Variants in RUFY1 observed in about 807,000 individuals in gnomAD.
RUFY1 encodes RUN and FYVE domain containing 1, also known as RUN and FYVE domain-containing protein 1.
RUFY1 carries 54 observed loss-of-function variants against 94.6 expected under a neutral mutation model. The observed-to-expected ratio is 0.57, with a 90% confidence interval of 0.46 to 0.72. RUFY1 has a LOEUF of 0.72. Ranked by LOEUF, RUFY1 falls within the 30% of genes least tolerant of loss-of-function variation. RUFY1 has a pLI of 0.00. For synonymous variants in RUFY1, 396 were observed against 347.3 expected (o/e 1.14, Z -1.56); for missense variants, 883 against 883.9 (o/e 1.00, Z 0.01).
At chr5:179,577,171 T>C in intron 6 of RUFY1, 35 bp downstream of exon 6, 2 of 1,288,034 alleles carry the variant, frequency 1.6e-6, no homozygotes, top group Non-Finnish European at 2.1e-6. Flanking sequence ...TTTTTTTTTT[T>C]TTTTTTTTTT....
chr5:179,551,066 C>G (rs1378235648), intron 1 of RUFY1, among the ~76,000 whole-genome samples, 187 bp downstream of exon 1: 3 of 149,908 alleles, frequency 2.0e-5, no homozygotes, highest in South Asian at 2.1e-4. Flanking sequence ...GACCGCCCCC[C>G]GCAGCCCCGC....
chr5:179,608,316 T>C, intron 17 of RUFY1: 3 of 985,676 alleles, frequency 3.0e-6, no homozygotes, highest in Non-Finnish European at 3.6e-6. Context: ...AAGCCACAGC[T>C]ACCCCACCCG....
At chr5:179,564,420 G>A in intron 3 of RUFY1, among the ~76,000 whole-genome samples, 1 of 123,634 alleles carries the variant, frequency 8.1e-6, no homozygotes, top group Non-Finnish European at 1.7e-5. Context: ...GTGCCTGGCT[G>A]TTTTTTTTTT....
chr5:179,568,121 A>G (rs1465445087), intron 4 of RUFY1, among the ~76,000 whole-genome samples: 1 of 151,526 alleles, frequency 6.6e-6, no homozygotes, highest in African/African-American at 2.4e-5. Flanking sequence ...GCATATGCCT[A>G]TAATCCCAGC....
At chr5:179,551,453 ACAG>A (rs1457417986) in intron 1 of RUFY1, among the ~76,000 whole-genome samples, 1 of 152,116 alleles carries the variant, frequency 6.6e-6, no homozygotes, top group Non-Finnish European at 1.5e-5. Context: ...ATCCAATACA[ACAG>A]CACGCATATG....
chr5:179,580,241 G>GTGTGTGTGTGTGTGTATATATATATA (rs149099074), intron 6 of RUFY1, among the ~76,000 whole-genome samples: 6 of 93,882 alleles, frequency 6.4e-5, no homozygotes, highest in African/African-American at 2.1e-4. Context: ...GTGTGTGTGT[G>GTGTGTGTGTGTGTGTATATATATATA]TATATTTTTT....
chr5:179,596,346 A>G, intron 12 of RUFY1: 1 of 663,944 alleles, frequency 1.5e-6, no homozygotes, highest in Non-Finnish European at 2.7e-6. Context: ...TTGTTGCAGG[A>G]CAGATGAGTG....
chr5:179,568,044 A>G (rs1236642289), intron 4 of RUFY1, among the ~76,000 whole-genome samples: 1 of 152,226 alleles, frequency 6.6e-6, no homozygotes, highest in Admixed American at 6.5e-5. Flanking sequence ...CAGAAGTTCA[A>G]AAACAACCTG....
chr5:179,562,600 G>A lies in RUFY1; in HGVS notation c.538G>A (p.Val180Met). 3 of 1,612,382 alleles carry A rather than the reference G, an allele frequency of 1.9e-6. No homozygotes were observed. Among genetic ancestry groups the A allele is most frequent in the Non-Finnish European group, 2.5e-6 (3 of 1,178,444 alleles). ...NKSFFGPLEL[V>M]EKLCPEASDI... ...ATCATTCTTTGGTCCTTTGGAGCTG[G>A]TGGAGAAACTTTGTCCAGAAGCATC... Residue 180 changes from valine (V) to methionine (M), a missense_variant, in exon 3 of 18, where the codon GTG becomes ATG. By Grantham distance (21) the Val-to-Met change is conservative. Transcript: ENST00000319449.
intron 13 of RUFY1, among the ~76,000 whole-genome samples, chr5:179,597,776 G>T (rs912255547): frequency 6.6e-6 from 1 of 152,240 alleles, no homozygotes; most frequent in African/African-American, 2.4e-5. Context: ...ACTCCAGGCG[G>T]TCCAGCAGTG....
At chr5:179,580,241 G>GTGTGTGTGTGTATATATA (rs149099074) in intron 6 of RUFY1, among the ~76,000 whole-genome samples, 146 of 93,874 alleles carry the variant, frequency 1.6e-3, no homozygotes, top group Non-Finnish European at 2.9e-3. Context: ...GTGTGTGTGT[G>GTGTGTGTGTGTATATATA]TATATTTTTT....
chr5:179,603,401 G>A (rs1185350325), intron 15 of RUFY1, among the ~76,000 whole-genome samples: 2 of 152,090 alleles, frequency 1.3e-5, no homozygotes, highest in Admixed American at 6.6e-5. Flanking sequence ...GCCCATGGCC[G>A]CTGCTTCCTC....
At chr5:179,555,423 TA>T (rs1004166549) in intron 1 of RUFY1, among the ~76,000 whole-genome samples, 4 of 152,232 alleles carry the variant, frequency 2.6e-5, no homozygotes, top group African/African-American at 9.6e-5. Context: ...ATAGAACCGC[TA>T]AAAGATCGTT....
At chr5:179,596,314 T>C (rs920990357) in intron 12 of RUFY1, 2 of 577,672 alleles carry the variant, frequency 3.5e-6, no homozygotes, top group African/African-American at 3.8e-5. Context: ...TGAGATTACA[T>C]TCTCAAAAAG....
chr5:179,589,692 C>G, intron 9 of RUFY1, 45 bp downstream of exon 9: 1 of 1,340,476 alleles, frequency 7.5e-7, no homozygotes, highest in Non-Finnish European at 1.1e-6. Context: ...CTCACTCAGA[C>G]ACACCTATTG....
chr5:179,586,594 G>A (rs1764621913), intron 8 of RUFY1: 2 of 363,152 alleles, frequency 5.5e-6, no homozygotes, highest in South Asian at 4.0e-5. Flanking sequence ...GAGCCTCAGA[G>A]CCCATCTCTG....
intron 1 of RUFY1, among the ~76,000 whole-genome samples, chr5:179,557,509 C>T (rs1157380676): frequency 6.6e-6 from 1 of 152,190 alleles, no homozygotes; most frequent in Non-Finnish European, 1.5e-5. Context: ...CCAGAATACT[C>T]AGAATGGTTG....
chr5:179,567,664 C>A, intron 4 of RUFY1, 102 bp downstream of exon 4: 2 of 757,034 alleles, frequency 2.6e-6, no homozygotes, highest in Non-Finnish European at 2.2e-6. Flanking sequence ...TTTGGGAGGC[C>A]AAGATCAGGT....
At chr5:179,573,413 T>C (rs894119964) in intron 5 of RUFY1, among the ~76,000 whole-genome samples, 1 of 152,222 alleles carries the variant, frequency 6.6e-6, no homozygotes, top group African/African-American at 2.4e-5. Flanking sequence ...TACATAATAG[T>C]ATACATAAAG....
Sources: gnomAD v4.1 joint callset for allele counts (sites outside exome capture counted in the v4.1 genomes callset) on GRCh38, gnomAD v4.1.1 for gene constraint, MANE v1.5 for transcripts, NCBI Gene and HGNC (gene_info 2026-07-23, HGNC 2026-07-21) for gene names.